The following MYO1E variants were observed in gnomAD, a reference collection of about 807,000 sequenced individuals.
The protein encoded by MYO1E is myosin IE.
MYO1E carries 68 observed loss-of-function variants against 151.1 expected under a neutral mutation model. The observed-to-expected ratio is 0.45, with a 90% CI of 0.37 to 0.55. The LOEUF is 0.55. Ranked by LOEUF, MYO1E falls within the 20% of genes least tolerant of loss-of-function variation. MYO1E has a pLI of 0.00. For missense variants in MYO1E, 1,363 were observed against 1,389.3 expected (o/e 0.98, Z 0.30); for synonymous variants, 601 against 501.7 (o/e 1.20, Z -2.64).
chr15:59,248,722 G>A (rs1596384124), intron 4 of MYO1E, among the ~76,000 whole-genome samples: 1 of 152,172 alleles, frequency 6.6e-6, no homozygotes, highest in South Asian at 2.1e-4. Context: ...CAGAGATGGG[G>A]GGTTTTCTCC....
At chr15:59,365,936 T>TTAAAAAA (rs1262142551) in intron 1 of MYO1E, among the ~76,000 whole-genome samples, 1 of 151,864 alleles carries the variant, frequency 6.6e-6, no homozygotes, top group Non-Finnish European at 1.5e-5. Context: ...CACTAAGGAG[T>TTAAAAAA]TAAAAAATAA....
intron 1 of MYO1E, among the ~76,000 whole-genome samples, chr15:59,275,077 A>G (rs2080310139): frequency 6.6e-6 from 1 of 152,208 alleles, no homozygotes. Flanking sequence ...GGAAACTGAG[A>G]TCTCCCGACT....
intron 22 of MYO1E, among the ~76,000 whole-genome samples, chr15:59,165,206 C>T (rs1195964857): frequency 6.6e-6 from 1 of 152,156 alleles, no homozygotes; most frequent in Admixed American, 6.5e-5. Flanking sequence ...GAAGGAACCA[C>T]AGCACAATTG....
At chr15:59,138,908 C>T (rs1005295454) in intron 26 of MYO1E, among the ~76,000 whole-genome samples, 1 of 152,118 alleles carries the variant, frequency 6.6e-6, no homozygotes, top group African/African-American at 2.4e-5. Context: ...GAATCATATT[C>T]CACGGTCACA....
chr15:59,238,690 G>C (rs1447577451), intron 4 of MYO1E, among the ~76,000 whole-genome samples: 1 of 151,946 alleles, frequency 6.6e-6, no homozygotes, highest in Non-Finnish European at 1.5e-5. Context: ...TCCTGCCTCA[G>C]CCTCCCAAGT....
rs1030597112 is a variant in MYO1E, at chr15:59,253,934, C to G, written c.332+2350G>C. Among the ~76,000 whole-genome samples, 28 of 77,054 alleles carry G rather than the reference C, an allele frequency of 3.6e-4. 1 individual carries two copies. Among genetic ancestry groups the G allele is most frequent in the Non-Finnish European group, 6.8e-4 (24 of 35,336 alleles). The allele number at this position is 77,054 out of a possible 152,430, so 50.6% of individuals were successfully genotyped here. A position where few individuals can be genotyped will look rare whatever the true frequency, so the allele number is the denominator to read the frequency against. On this transcript the variant is annotated intron_variant, in intron 4 of 27. Coordinates refer to ENST00000288235, the MANE Select transcript of MYO1E (RefSeq NM_004998.4). ...TTTTTTTTTAACAAAGCCAAGAAAA[C>G]AAAAAGGGGAAGGGAAAATTGTTAA...
intron 1 of MYO1E, among the ~76,000 whole-genome samples, chr15:59,277,745 T>C (rs1386783381): frequency 6.6e-6 from 1 of 152,088 alleles, no homozygotes; most frequent in African/African-American, 2.4e-5. Context: ...TGCAAAGGAG[T>C]ACTTTGCAGT....
At chr15:59,286,394 A>G (rs2080388006) in intron 1 of MYO1E, among the ~76,000 whole-genome samples, 2 of 152,238 alleles carry the variant, frequency 1.3e-5, no homozygotes, top group Non-Finnish European at 2.9e-5. Flanking sequence ...CTCAATTTTT[A>G]AAAGTTTTAT....
At chr15:59,264,304 A>G (rs1449341578) in intron 2 of MYO1E, among the ~76,000 whole-genome samples, 7 of 152,216 alleles carry the variant, frequency 4.6e-5, no homozygotes, top group Non-Finnish European at 7.3e-5. Flanking sequence ...GTCACACACT[A>G]TAAGTGGCAG....
Position 59,224,193 on chromosome 15 carries a change from T to C in MYO1E, c.777+496A>G, listed in dbSNP as rs142804591. On this transcript the variant is annotated intron_variant, in intron 8 of 27. Coordinates refer to ENST00000288235, the MANE Select transcript of MYO1E (RefSeq NM_004998.4). ...TAGTTTCACAGCTTGGACCATAACA[T>C]ACATGCAATGTGAAGGGCATGGCAC... Among the ~76,000 whole-genome samples, 19 of 152,254 alleles carry C rather than the reference T, an allele frequency of 1.2e-4. No homozygotes were observed. In the East Asian group the frequency reaches 3.7e-3, roughly 29 times the overall value.
rs16941350 is a variant in MYO1E at position 59,335,859 on chromosome 15, G to A, written c.3+36639C>T. The stretch of plus-strand genomic sequence containing the variant: ...AGCCATGTGTGGCCCTGATTCATGC[G>A]GAGGAATGAGTGTCACGGACTATAA... On this transcript the variant is annotated intron_variant, in intron 1 of 27. Coordinates refer to ENST00000288235, the MANE Select transcript of MYO1E (RefSeq NM_004998.4). 5.3e-3 allele frequency among the ~76,000 whole-genome samples: 807 copies of A among 152,074 alleles called. 2 individuals are homozygous for A. Among genetic ancestry groups the A allele is most frequent in the African/African-American group, 0.019 (769 of 41,464 alleles).
At chr15:59,329,939 T>C (rs1271035957) in intron 1 of MYO1E, among the ~76,000 whole-genome samples, 2 of 152,216 alleles carry the variant, frequency 1.3e-5, no homozygotes, top group African/African-American at 2.4e-5. Flanking sequence ...AGTCAGATTA[T>C]CTCAGTACTT....
intron 6 of MYO1E, among the ~76,000 whole-genome samples, chr15:59,230,431 G>GTT (rs1198804796): frequency 2.0e-5 from 3 of 148,334 alleles, no homozygotes; most frequent in East Asian, 3.9e-4. Flanking sequence ...CAATTTAATT[G>GTT]TTTTTTTTTT....
intron 1 of MYO1E, among the ~76,000 whole-genome samples, chr15:59,356,625 C>T (rs1297219351): frequency 1.3e-5 from 2 of 152,114 alleles, no homozygotes; most frequent in African/African-American, 4.8e-5. Flanking sequence ...TTTCCTGAAA[C>T]AGGGTCTCTC....
intron 14 of MYO1E, 26 bp downstream of exon 14, chr15:59,208,655 G>C: frequency 6.2e-7 from 1 of 1,613,664 alleles, no homozygotes; most frequent in Non-Finnish European, 8.5e-7. Context: ...AAAACAGATA[G>C]ACATTAAAAT....
At chr15:59,223,315 GAAAAA>G (rs10711975) in intron 8 of MYO1E, 124 bp from the exon 9 acceptor site, 45 of 775,448 alleles carry the variant, frequency 5.8e-5, no homozygotes, top group Non-Finnish European at 6.6e-5. Context: ...GAGTTACAAA[GAAAAA>G]AAAAAAAAAA....
intron 1 of MYO1E, among the ~76,000 whole-genome samples, chr15:59,343,021 T>C (rs894287035): frequency 1.3e-5 from 2 of 152,198 alleles, no homozygotes; most frequent in Non-Finnish European, 2.9e-5. Flanking sequence ...ATCTTTCTAT[T>C]TGAGATATGT....
chr15:59,326,032 C>T (rs1201870692), intron 1 of MYO1E, among the ~76,000 whole-genome samples: 1 of 152,116 alleles, frequency 6.6e-6, no homozygotes. Flanking sequence ...AGTCACCACA[C>T]ATTCTTCATG....
At position 59,223,176 on chromosome 15, in the gene MYO1E, T is replaced by A. The variant is rs1596373294; in HGVS notation, c.793A>T (p.Ile265Phe). The A allele has an allele frequency of 6.2e-7, 1 of 1,614,096 alleles. No individual in the cohort carries two copies. Among genetic ancestry groups the A allele is most frequent in the Non-Finnish European group, 8.5e-7 (1 of 1,180,020 alleles). Residue 265 changes from isoleucine to phenylalanine, a missense_variant, in exon 9 of 28, where the codon ATT becomes TTT. Physicochemically the swap from Ile to Phe is conservative, Grantham distance 21. Transcript: ENST00000288235. ...FQETLHAMNV[I>F]GIFAEEQTLV... ...GTTTGCTCTTCTGCAAAGATCCCAA[T>A]CACATTCATGGCGTGCTGGAAGAGA... is the stretch of plus-strand genomic sequence containing the variant.
Sources: allele counts gnomAD v4.1 joint callset (sites outside exome capture counted in the v4.1 genomes callset), GRCh38; gene constraint gnomAD v4.1.1; transcripts MANE v1.5; gene names NCBI Gene and HGNC (gene_info 2026-07-23, HGNC 2026-07-21).